CMIP: variants seen among roughly 807,000 people sequenced by gnomAD.
The protein encoded by CMIP is C-Maf-inducing protein.
A neutral mutation model predicts 97.3 loss-of-function variants in CMIP; 13 were observed. The ratio of observed to expected loss-of-function variants is 0.13; its 90% CI spans 0.09 to 0.21. CMIP has a LOEUF of 0.21. Ranked by LOEUF, CMIP falls within the 10% of genes least tolerant of loss-of-function variation. The probability of loss-of-function intolerance (pLI) is 1.00; values close to 1 mark genes in which losing one functional copy is unlikely to be tolerated. For synonymous variants in CMIP, 538 were observed against 436.3 expected (o/e 1.23, Z -2.91); for missense variants, 847 against 1,024.9 (o/e 0.83, Z 2.37).
chr16:81,637,653 A>C (rs771392309), intron 3 of CMIP, among the ~76,000 whole-genome samples: 15 of 152,124 alleles, frequency 9.9e-5, no homozygotes, highest in Admixed American at 2.0e-4. Context: ...TGCGAGCAAA[A>C]ACATGGCTTG....
intron 7 of CMIP, among the ~76,000 whole-genome samples, chr16:81,669,903 A>G (rs956466053): frequency 1.3e-5 from 2 of 152,092 alleles, no homozygotes; most frequent in African/African-American, 4.8e-5. Context: ...GGCTTTCTCT[A>G]CAGCCAGAAG....
At chr16:81,624,145 C>T (rs1383257705) in intron 3 of CMIP, among the ~76,000 whole-genome samples, 1 of 148,346 alleles carries the variant, frequency 6.7e-6, no homozygotes, top group Non-Finnish European at 1.5e-5. Flanking sequence ...AAAAAAAAAT[C>T]AGTGGAACAT....
chr16:81,680,440 G>A lies in CMIP; in HGVS notation c.1388+1812G>A, dbSNP rs981498022. ...ACATGCGCACACACGTTCACAAGGT[G>A]GCTGCTGCTGGTTTGAAGGAGATCG... On this transcript the variant is annotated intron_variant, in intron 10 of 20. Coordinates refer to ENST00000537098, the MANE Select transcript of CMIP (RefSeq NM_198390.3). Among the ~76,000 whole-genome samples the A allele has an allele frequency of 2.6e-5, 4 of 152,214 alleles. 1 individual carries two copies. Among genetic ancestry groups the A allele is most frequent in the South Asian group, 4.1e-4 (2 of 4,836 alleles).
In CMIP at chr16:81,655,163, G is replaced by A. The variant is rs928698191; in HGVS notation, c.640-2612G>A. On this transcript the variant is annotated intron_variant, in intron 4 of 20. Transcript: ENST00000537098. This position sits in a 1 kb window ranked among gnomAD's most constrained non-coding sequence, Gnocchi z 4.9. ...ACCCCGTAAGCACCTTCAGCCAGGGGTCTGGAGCTAGTAGCTGGAAAAACA... is the reference window on the plus strand; with the variant it reads ...ACCCCGTAAGCACCTTCAGCCAGGGATCTGGAGCTAGTAGCTGGAAAAACA... Among the ~76,000 whole-genome samples the A allele has an allele frequency of 2.0e-5, 3 of 152,184 alleles. No homozygotes were observed. The highest frequency in any genetic ancestry group is 2.0e-4 in the Admixed American group (3 of 15,276).
At chr16:81,631,012 C>T (rs1402138536) in intron 3 of CMIP, 1 of 152,378 alleles carries the variant, frequency 6.6e-6, no homozygotes, top group Non-Finnish European at 1.5e-5. Flanking sequence ...CCAGCATCTC[C>T]CAGCCACAGC....
intron 5 of CMIP, among the ~76,000 whole-genome samples, 164 bp from the exon 6 acceptor site, chr16:81,660,720 T>C (rs545657448): frequency 1.4e-5 from 2 of 147,664 alleles, no homozygotes; most frequent in East Asian, 4.5e-4. Flanking sequence ...TTTTGGGGGA[T>C]TTTTTCTTTT....
At chr16:81,492,235 T>C (rs569733545) in intron 1 of CMIP, among the ~76,000 whole-genome samples, 1 of 152,318 alleles carries the variant, frequency 6.6e-6, no homozygotes, top group African/African-American at 2.4e-5. Flanking sequence ...ATCCACAGGG[T>C]GCAAGCGTCC....
intron 1 of CMIP, among the ~76,000 whole-genome samples, chr16:81,506,016 A>G (rs999505817): frequency 2.6e-4 from 39 of 152,348 alleles, no homozygotes; most frequent in African/African-American, 9.4e-4. Context: ...AAAATAAATC[A>G]GGAACAGTAA....
intron 13 of CMIP, 98 bp downstream of exon 13, chr16:81,693,585 A>C: frequency 7.5e-7 from 1 of 1,325,054 alleles, no homozygotes; most frequent in Non-Finnish European, 1.0e-6. Flanking sequence ...ACCAACAGGC[A>C]TTCAGAACAG....
At chr16:81,466,290 C>T (rs139532174) in intron 1 of CMIP, among the ~76,000 whole-genome samples, 97 of 152,228 alleles carry the variant, frequency 6.4e-4, no homozygotes, top group African/African-American at 2.3e-3. Flanking sequence ...TGAACTCCTG[C>T]GATCAAGTGA....
At chr16:81,495,952 G>A (rs1286574681) in intron 1 of CMIP, among the ~76,000 whole-genome samples, 9 of 152,186 alleles carry the variant, frequency 5.9e-5, no homozygotes, top group African/African-American at 1.9e-4. Flanking sequence ...CCCCAGCTCC[G>A]AGACTTGCAG....
At chr16:81,467,229 C>T (rs956883385) in intron 1 of CMIP, among the ~76,000 whole-genome samples, 1 of 152,238 alleles carries the variant, frequency 6.6e-6, no homozygotes, top group Non-Finnish European at 1.5e-5. Context: ...CTGGGCACAT[C>T]CCGCAACCAG....
intron 1 of CMIP, among the ~76,000 whole-genome samples, chr16:81,450,493 A>G (rs943729584): frequency 9.2e-5 from 14 of 152,266 alleles, no homozygotes; most frequent in Non-Finnish European, 1.2e-4. Context: ...GAGGATAGAT[A>G]AGCACCTACT....
chr16:81,480,731 C>G (rs1389741206), intron 1 of CMIP, among the ~76,000 whole-genome samples: 1 of 152,160 alleles, frequency 6.6e-6, no homozygotes, highest in East Asian at 1.9e-4. Flanking sequence ...GGCACTGATT[C>G]ACGTTCTCTC....
At chr16:81,708,503 C>T (rs995589304) in intron 20 of CMIP, among the ~76,000 whole-genome samples, 2 of 152,252 alleles carry the variant, frequency 1.3e-5, no homozygotes, top group African/African-American at 4.8e-5. Flanking sequence ...GAAGAAAAAT[C>T]ACTTTCAGTC....
At chr16:81,600,986 T>C (rs1395195010) in intron 1 of CMIP, among the ~76,000 whole-genome samples, 1 of 152,122 alleles carries the variant, frequency 6.6e-6, no homozygotes, top group Non-Finnish European at 1.5e-5. Context: ...AGTGGGGTGG[T>C]GCCACGTGGA....
chr16:81,526,295 A>G (rs1597507450), intron 1 of CMIP, among the ~76,000 whole-genome samples: 2 of 152,332 alleles, frequency 1.3e-5, no homozygotes, highest in South Asian at 2.1e-4. Flanking sequence ...TTTAAAAAAG[A>G]CATCTTTATG....
At chr16:81,699,932 C>A in intron 15 of CMIP, 131 bp downstream of exon 15, 1 of 617,706 alleles carries the variant, frequency 1.6e-6, no homozygotes, top group Admixed American at 2.8e-5. Flanking sequence ...GCAGTCCCAG[C>A]CGTCCTGAGC....
intron 1 of CMIP, among the ~76,000 whole-genome samples, chr16:81,579,613 C>T (rs138699732): frequency 5.5e-4 from 82 of 148,218 alleles, no homozygotes; most frequent in Non-Finnish European, 7.1e-4. Flanking sequence ...GGGCATGGCC[C>T]AGCCCTGCTC....
Sources: gnomAD v4.1 joint callset for allele counts (sites outside exome capture counted in the v4.1 genomes callset) on GRCh38, gnomAD v4.1.1 for gene constraint, Gnocchi (gnomAD v3.1) non-coding constraint, MANE v1.5 for transcripts, NCBI Gene and HGNC (gene_info 2026-07-23, HGNC 2026-07-21) for gene names.